RBFOX3: variants seen among roughly 807,000 people sequenced by gnomAD.
RBFOX3 encodes RNA binding protein fox-1 homolog 3.
Under a neutral mutation model 48.7 loss-of-function variants are expected in RBFOX3, and 17 were observed. The observed-to-expected ratio is 0.35, with a 90% CI of 0.24 to 0.52. The LOEUF (loss-of-function observed/expected upper bound fraction) is 0.52. Among genes scored for constraint, RBFOX3 ranks in the 20% least tolerant of loss-of-function variants. The probability of loss-of-function intolerance (pLI) is 0.94; values close to 1 mark genes in which losing one functional copy is unlikely to be tolerated. For synonymous variants in RBFOX3, 212 were observed against 209.5 expected (o/e 1.01, Z -0.10); for missense variants, 382 against 497.5 (o/e 0.77, Z 2.21).
At chr17:79,167,209 T>C (rs9895001) in intron 4 of RBFOX3, among the ~76,000 whole-genome samples, 2 of 152,148 alleles carry the variant, frequency 1.3e-5, no homozygotes, top group African/African-American at 4.8e-5. Context: ...GCCAGGCACA[T>C]GGCCAAGAAC....
chr17:79,452,772 C>T (rs1764480095), intron 2 of RBFOX3, among the ~76,000 whole-genome samples: 2 of 152,196 alleles, frequency 1.3e-5, no homozygotes, highest in Admixed American at 1.3e-4. Flanking sequence ...AGTGGAGAAG[C>T]AGGCCCGGCA....
chr17:79,199,980 G>A lies in RBFOX3; in HGVS notation c.-34+35786C>T, dbSNP rs1385785878. Among the ~76,000 whole-genome samples, 2 of 152,094 alleles carry A rather than the reference G, an allele frequency of 1.3e-5. No individual in the cohort carries two copies. Among genetic ancestry groups the A allele is most frequent in the Non-Finnish European group, 2.9e-5 (2 of 68,020 alleles). Reference sequence around the variant, plus strand: ...GTTCAAGACCAGCCTGGCCAACATGGTGAAACTCCGTCTCTACCAAAAGTA... The same window carrying A: ...GTTCAAGACCAGCCTGGCCAACATGATGAAACTCCGTCTCTACCAAAAGTA... On this transcript the variant is annotated intron_variant, in intron 4 of 14. Coordinates refer to ENST00000693108, the MANE Select transcript of RBFOX3 (RefSeq NM_001350451.2). The surrounding 1 kb of genome is among the most constrained non-coding windows in gnomAD (Gnocchi z 5.1).
intron 3 of RBFOX3, among the ~76,000 whole-genome samples, chr17:79,256,280 C>T (rs1323461622): frequency 6.6e-6 from 1 of 152,062 alleles, no homozygotes; most frequent in Non-Finnish European, 1.5e-5. Context: ...CTTCCTTTCT[C>T]ATGTGAATCC....
chr17:79,237,013 T>C (rs2061709062), intron 3 of RBFOX3, among the ~76,000 whole-genome samples: 1 of 152,214 alleles, frequency 6.6e-6, no homozygotes, highest in Non-Finnish European at 1.5e-5. Context: ...AAATGTACAA[T>C]TCAGTGGTAT....
rs141211455 is a variant in RBFOX3 at position 79,345,509 on chromosome 17, C to T, written c.-174-37685G>A. On this transcript the variant is annotated intron_variant, in intron 2 of 14. Coordinates refer to ENST00000693108, the MANE Select transcript of RBFOX3 (RefSeq NM_001350451.2). ...ATTTGTCAGGCTTTGAAAGTCTTGC[C>T]AATCAAATGGAAGTTAAACGCTACT... Among the ~76,000 whole-genome samples the T allele has an allele frequency of 2.6e-4, 39 of 152,264 alleles. No homozygotes were observed. The East Asian group carries it at 7.4e-3, about 29-fold the overall frequency.
At chr17:79,145,551 C>T (rs1318093685) in intron 4 of RBFOX3, among the ~76,000 whole-genome samples, 1 of 152,232 alleles carries the variant, frequency 6.6e-6, no homozygotes, top group Non-Finnish European at 1.5e-5. Flanking sequence ...CCAGCCCAGT[C>T]GGCTCTGAGA....
intron 4 of RBFOX3, among the ~76,000 whole-genome samples, chr17:79,150,784 G>A (rs1043740087): frequency 6.6e-6 from 1 of 152,196 alleles, no homozygotes; most frequent in Non-Finnish European, 1.5e-5. Flanking sequence ...GGGGGGCAGG[G>A]AACTGCAGAG....
chr17:79,358,049 C>T (rs2085552727), intron 2 of RBFOX3, among the ~76,000 whole-genome samples: 2 of 152,072 alleles, frequency 1.3e-5, no homozygotes, highest in Non-Finnish European at 2.9e-5. Context: ...TGGGCTCAAG[C>T]AACCCTCCTG....
At chr17:79,656,829 G>GA in the RBFOX3 span, among the ~76,000 whole-genome samples, 93 of 123,160 alleles carry the variant, frequency 7.6e-4, no homozygotes, top group South Asian at 4.5e-3. Context: ...AAGAAAGAAA[G>GA]AAAAGAAAGA....
chr17:79,573,843 C>T (rs1173550769), intron 1 of RBFOX3, among the ~76,000 whole-genome samples: 2 of 152,180 alleles, frequency 1.3e-5, no homozygotes, highest in African/African-American at 2.4e-5. Flanking sequence ...CAGAGCCACG[C>T]GGGCACGTTC....
chr17:79,296,616 G>A (rs2074381132), intron 3 of RBFOX3, among the ~76,000 whole-genome samples: 1 of 151,956 alleles, frequency 6.6e-6, no homozygotes, highest in Admixed American at 6.5e-5. Flanking sequence ...CAGCCTGGGA[G>A]GTTTGCTTCC....
At chr17:79,539,949 CTT>C (rs2089434103) in intron 1 of RBFOX3, among the ~76,000 whole-genome samples, 1 of 152,080 alleles carries the variant, frequency 6.6e-6, no homozygotes, top group Non-Finnish European at 1.5e-5. Context: ...ACAAAAAAAC[CTT>C]TGTCATTCAT....
At chr17:79,644,212 T>C in the RBFOX3 span, among the ~76,000 whole-genome samples, 1 of 152,078 alleles carries the variant, frequency 6.6e-6, no homozygotes, top group African/African-American at 2.4e-5. Flanking sequence ...CATGAAAAAA[T>C]TTCAGGTCCA....
At chr17:79,401,381 A>G (rs1179828073) in intron 2 of RBFOX3, among the ~76,000 whole-genome samples, 1 of 152,058 alleles carries the variant, frequency 6.6e-6, no homozygotes, top group African/African-American at 2.4e-5. Context: ...AAAAATAAGA[A>G]GAGCCAGTGA....
chr17:79,591,754 T>C (rs908136228), intron 1 of RBFOX3, among the ~76,000 whole-genome samples: 3 of 152,032 alleles, frequency 2.0e-5, no homozygotes, highest in African/African-American at 7.2e-5. Flanking sequence ...TGTGAGGTTA[T>C]CTGGGAGCCT....
At chr17:79,124,921 G>A (rs1054750776) in intron 4 of RBFOX3, among the ~76,000 whole-genome samples, 9 of 151,878 alleles carry the variant, frequency 5.9e-5, no homozygotes, top group African/African-American at 1.7e-4. Flanking sequence ...ACCTTGTCTC[G>A]GGGGGAGCCC....
the RBFOX3 span, among the ~76,000 whole-genome samples, chr17:79,643,458 C>T: frequency 6.6e-6 from 1 of 152,114 alleles, no homozygotes; most frequent in Non-Finnish European, 1.5e-5. Context: ...ATTTATAGAA[C>T]ACTAAATTCA....
At chr17:79,144,088 C>T (rs1366955740) in intron 4 of RBFOX3, among the ~76,000 whole-genome samples, 2 of 152,216 alleles carry the variant, frequency 1.3e-5, no homozygotes, top group Non-Finnish European at 2.9e-5. Context: ...GCACTGGCAT[C>T]GAGGGGTCCA....
intron 4 of RBFOX3, chr17:79,183,256 C>G (rs1363471541): frequency 6.6e-6 from 1 of 151,992 alleles, no homozygotes; most frequent in Non-Finnish European, 1.5e-5. Context: ...GGGCGGGGGG[C>G]CGCTTACCTG....
Sources: gnomAD v4.1 joint callset for allele counts (sites outside exome capture counted in the v4.1 genomes callset) on GRCh38, gnomAD v4.1.1 for gene constraint, Gnocchi (gnomAD v3.1) non-coding constraint, MANE v1.5 for transcripts, NCBI Gene and HGNC (gene_info 2026-07-23, HGNC 2026-07-21) for gene names.